The following PRKAG2 variants were observed in gnomAD, a reference collection of about 807,000 sequenced individuals.
PRKAG2 encodes the protein 5'-AMP-activated protein kinase subunit gamma-2.
In PRKAG2, 26 loss-of-function variants were observed where a neutral mutation model predicts 69.6. That is an observed-to-expected ratio of 0.37 (90% CI 0.27 to 0.52). PRKAG2 has a LOEUF of 0.52. Ranked by LOEUF, PRKAG2 falls within the 20% of genes least tolerant of loss-of-function variation. The probability of loss-of-function intolerance (pLI) is 0.90; values close to 1 mark genes in which losing one functional copy is unlikely to be tolerated. For synonymous variants in PRKAG2, 293 were observed against 285.0 expected (o/e 1.03, Z -0.28); for missense variants, 557 against 740.0 (o/e 0.75, Z 2.87).
rs182682229 is a variant in PRKAG2, at chr7:151,675,961, C to T, written c.467-324G>A. ...TTAGAATCAGCTGTTTCCAGAAACG[C>T]CTCACTATCCACGCTCGGTTGTGGG... On this transcript the variant is annotated intron_variant, in intron 3 of 15. Transcript: ENST00000287878. Among the ~76,000 whole-genome samples, 230 of 152,282 alleles carry T rather than the reference C, an allele frequency of 1.5e-3. 1 individual carries two copies. The Middle Eastern group carries it at 0.017, about 11-fold the overall frequency.
At chr7:151,821,399 C>T (rs2078775125) in intron 1 of PRKAG2, among the ~76,000 whole-genome samples, 1 of 152,178 alleles carries the variant, frequency 6.6e-6, no homozygotes, top group Non-Finnish European at 1.5e-5. Flanking sequence ...AGGCTTGGCA[C>T]ACACAGAAGG....
chr7:151,571,772 G>A (rs17715460), intron 9 of PRKAG2, among the ~76,000 whole-genome samples: 22,132 of 152,146 alleles, frequency 0.15, 1,719 homozygotes, highest in African/African-American at 0.18. Context: ...AAATCGTATG[G>A]ATTTGAAAGG....
At chr7:151,609,276 T>A (rs1422423285) in intron 5 of PRKAG2, among the ~76,000 whole-genome samples, 1 of 151,394 alleles carries the variant, frequency 6.6e-6, no homozygotes, top group Non-Finnish European at 1.5e-5. Context: ...TGAAACCCAT[T>A]TACACAGAAT....
rs112404544 is a variant in PRKAG2, at chr7:151,634,537, A to G, written c.685-2399T>C. Among the ~76,000 whole-genome samples the G allele has an allele frequency of 2.0e-3, 303 of 152,360 alleles. 1 individual carries two copies. In the Middle Eastern group the frequency reaches 0.031, roughly 15 times the overall value. Reference sequence around the variant, plus strand: ...GAAAAGCTACACAGTAGGAGAAAATACTTGCAAATCACATAGCCAACAAAT... The same window carrying G: ...GAAAAGCTACACAGTAGGAGAAAATGCTTGCAAATCACATAGCCAACAAAT... On this transcript the variant is annotated intron_variant, in intron 4 of 15. Coordinates refer to ENST00000287878, the MANE Select transcript of PRKAG2 (RefSeq NM_016203.4).
rs1808527464 is a variant in PRKAG2, at chr7:151,574,931, T to A, written c.965A>T (p.Asp322Val). The A allele has an allele frequency of 6.2e-7, 1 of 1,612,840 alleles. No individual in the cohort carries two copies. Among genetic ancestry groups the A allele is most frequent in the African/African-American group, 1.3e-5 (1 of 74,908 alleles). The stretch of plus-strand genomic sequence containing the variant: ...GTATCTATGTAGTATATTTATGAAA[T>A]CTGTAATTGTTAGCATTCCTGGAAC... ...QSFVGMLTIT[D>V]FINILHRYYK... The change falls in exon 8 of 16, where the codon GAT becomes GTT. Residue 322 changes from aspartate to valine, a missense_variant. Physicochemically the swap from Asp to Val is radical, Grantham distance 152. This residue lies in a region of PRKAG2 where 205 missense variants were observed against 383.4 expected (regional missense o/e 0.53). Coordinates refer to ENST00000287878, the MANE Select transcript of PRKAG2 (RefSeq NM_016203.4).
At chr7:151,831,802 G>A (rs1305882442) in intron 1 of PRKAG2, among the ~76,000 whole-genome samples, 2 of 152,218 alleles carry the variant, frequency 1.3e-5, no homozygotes, top group Admixed American at 6.5e-5. Context: ...GTCCCGGTCA[G>A]GTGCTGTGTC....
chr7:151,792,896 C>T (rs1008332243), intron 1 of PRKAG2, among the ~76,000 whole-genome samples: 8 of 152,216 alleles, frequency 5.3e-5, no homozygotes, highest in Admixed American at 4.6e-4. Context: ...TTCAAGCCCC[C>T]GTGTCCCTCA....
intron 3 of PRKAG2, among the ~76,000 whole-genome samples, chr7:151,735,263 C>T (rs1586167925): frequency 2.0e-5 from 3 of 152,218 alleles, no homozygotes; most frequent in African/African-American, 7.2e-5. Flanking sequence ...TGCAGACAGA[C>T]AAGGGCAAAA....
At chr7:151,783,808 G>A (rs182898152) in intron 2 of PRKAG2, among the ~76,000 whole-genome samples, 184 of 151,144 alleles carry the variant, frequency 1.2e-3, no homozygotes, top group South Asian at 1.7e-3. Flanking sequence ...AAGCAGCTGA[G>A]GTGGGAGGAT....
At chr7:151,690,069 C>T (rs559278306) in intron 3 of PRKAG2, among the ~76,000 whole-genome samples, 3 of 152,302 alleles carry the variant, frequency 2.0e-5, no homozygotes, top group Admixed American at 1.3e-4. Context: ...CTTTCAAAGA[C>T]GATCTGGAAT....
intron 2 of PRKAG2, among the ~76,000 whole-genome samples, chr7:151,782,131 A>AAAAAAAT (rs2076703128): frequency 6.6e-6 from 1 of 151,778 alleles, no homozygotes; most frequent in Non-Finnish European, 1.5e-5. Context: ...AATAAAAAAA[A>AAAAAAAT]AATTAGCTGG....
chr7:151,867,325 C>A (rs140510750), intron 1 of PRKAG2, among the ~76,000 whole-genome samples: 4 of 152,338 alleles, frequency 2.6e-5, no homozygotes, highest in African/African-American at 9.6e-5. Context: ...TCTCATTGCT[C>A]TAGAGGCCAG....
intron 6 of PRKAG2, among the ~76,000 whole-genome samples, chr7:151,582,550 C>A (rs999023128): frequency 6.6e-6 from 1 of 152,172 alleles, no homozygotes; most frequent in Non-Finnish European, 1.5e-5. Context: ...ATCTCTTCTG[C>A]AACAGAAGAT....
At chr7:151,786,012 G>A (rs780178447) in intron 2 of PRKAG2, among the ~76,000 whole-genome samples, 29 of 152,224 alleles carry the variant, frequency 1.9e-4, no homozygotes, top group Admixed American at 2.6e-4. Context: ...AGAAAAAGGC[G>A]TGTGGAGAGG....
intron 3 of PRKAG2, among the ~76,000 whole-genome samples, chr7:151,758,012 C>G (rs1304596703): frequency 6.6e-6 from 1 of 151,674 alleles, no homozygotes; most frequent in Non-Finnish European, 1.5e-5. Context: ...TGTAAATCTT[C>G]CCCGGGTGTC....
At chr7:151,746,261 T>G (rs889751383) in intron 3 of PRKAG2, among the ~76,000 whole-genome samples, 1 of 152,208 alleles carries the variant, frequency 6.6e-6, no homozygotes, top group Non-Finnish European at 1.5e-5. Flanking sequence ...CACCTCCTCC[T>G]GCACGTCACT....
At chr7:151,654,288 G>T (rs926728361) in intron 4 of PRKAG2, among the ~76,000 whole-genome samples, 41 of 152,102 alleles carry the variant, frequency 2.7e-4, no homozygotes, top group African/African-American at 9.9e-4. Context: ...CCCCTGGCCC[G>T]CCTTCTGTGC....
chr7:151,777,062 ACT>A lies in PRKAG2; in HGVS notation c.466+4088_466+4089del, dbSNP rs1310808121. 6.6e-6 allele frequency among the ~76,000 whole-genome samples: 1 copy of A among 151,794 alleles called. No individual in the cohort carries two copies. The highest frequency in any genetic ancestry group is 6.6e-5 in the Admixed American group (1 of 15,264). ...GTACAGGAGATGGGTTGGGGGACTC[ACT>A]CTCTGACTCCACCTGCCTGTCTCGG... On this transcript the variant is annotated intron_variant, in intron 3 of 15. Coordinates refer to ENST00000287878, the MANE Select transcript of PRKAG2 (RefSeq NM_016203.4). This position sits in a 1 kb window ranked among gnomAD's most constrained non-coding sequence, Gnocchi z 4.3.
chr7:151,597,630 T>C (rs1418109025), intron 5 of PRKAG2, among the ~76,000 whole-genome samples: 1 of 152,018 alleles, frequency 6.6e-6, no homozygotes, highest in African/African-American at 2.4e-5. Flanking sequence ...AAGAACTGAA[T>C]ACACATTTCT....
Sources: allele counts gnomAD v4.1 joint callset (sites outside exome capture counted in the v4.1 genomes callset), GRCh38; gene constraint gnomAD v4.1.1; regional missense constraint gnomAD v4.1.1; non-coding constraint Gnocchi (gnomAD v3.1); transcripts MANE v1.5; gene names NCBI Gene and HGNC (gene_info 2026-07-23, HGNC 2026-07-21).